Variants in REPS1 observed in about 807,000 individuals in gnomAD.
REPS1 encodes RALBP1 associated Eps domain containing 1.
Under a neutral mutation model 100.9 loss-of-function variants are expected in REPS1, and 39 were observed. The ratio of observed to expected loss-of-function variants is 0.39; its 90% CI spans 0.30 to 0.50. The LOEUF (loss-of-function observed/expected upper bound fraction) is 0.50. Ranked by LOEUF, REPS1 falls within the 20% of genes least tolerant of loss-of-function variation. The pLI, the probability that REPS1 is intolerant of heterozygous loss-of-function variation, is 0.86. For synonymous variants in REPS1, 324 were observed against 340.3 expected (o/e 0.95, Z 0.53); for missense variants, 821 against 968.5 (o/e 0.85, Z 2.02).
intron 1 of REPS1, among the ~76,000 whole-genome samples, chr6:138,952,848 G>A (rs1042847373): frequency 9.0e-6 from 1 of 111,152 alleles, no homozygotes; most frequent in Admixed American, 9.3e-5. Flanking sequence ...TTTTTTTTTT[G>A]AGACACAGTT....
Position 138,915,966 on chromosome 6 carries a change from C to T in REPS1, c.1612G>A (p.Gly538Arg), listed in dbSNP as rs200911266. Residue 538 changes from glycine (G) to arginine (R), a missense_variant, in exon 14 of 20, where the codon GGA becomes AGA. Physicochemically the swap from Gly to Arg is moderately radical, Grantham distance 125 (BLOSUM62 -2). Transcript: ENST00000450536. ...SNVTRQRSHS[G>R]TSPDNTAPPP... ...GGTGCAGTGTTATCAGGCGACGTTCCTGAATGAGACCTGCAAAATTCACCC... is the reference window on the plus strand; with the variant it reads ...GGTGCAGTGTTATCAGGCGACGTTCTTGAATGAGACCTGCAAAATTCACCC... The T allele has an allele frequency of 2.5e-6, 4 of 1,612,426 alleles. No individual in the cohort carries two copies. Among genetic ancestry groups the T allele is most frequent in the Admixed American group, 1.7e-5 (1 of 59,974 alleles).
Position 138,959,877 on chromosome 6 carries a change from T to C in REPS1, c.154-11964A>G, listed in dbSNP as rs745831984. Among the ~76,000 whole-genome samples the C allele has an allele frequency of 1.0e-3, 154 of 152,304 alleles. 2 individuals are homozygous for C. Among genetic ancestry groups the C allele is most frequent in the Non-Finnish European group, 1.9e-3 (126 of 68,030 alleles). ...AATCCTCTAATGTTGGCTACCATTA[T>C]CCCCAGTTCATAGGAAAGAAAACTG... On this transcript the variant is annotated intron_variant, in intron 1 of 19. Coordinates refer to ENST00000450536, the MANE Select transcript of REPS1 (RefSeq NM_001286611.2).
At position 138,945,508 on chromosome 6, in the gene REPS1, T is replaced by C; in HGVS notation, c.467A>G (p.Asp156Gly). The C allele has an allele frequency of 1.2e-6, 2 of 1,601,740 alleles. No homozygotes were observed. Among genetic ancestry groups the C allele is most frequent in the Non-Finnish European group, 1.7e-6 (2 of 1,174,822 alleles). Reference sequence around the variant, plus strand: ...TTACATGCATGTGATTACCTGTGCATCTGCAGATGTACGAGGCTGAACCGT... The same window carrying C: ...TTACATGCATGTGATTACCTGTGCACCTGCAGATGTACGAGGCTGAACCGT... ...HDTVQPRTSA[D>G]AQEPASPVVS... Residue 156 changes from aspartate (D) to glycine (G), a missense_variant, in exon 3 of 20, where the codon GAT becomes GGT. By Grantham distance (94) the Asp-to-Gly change is moderately conservative. This residue lies in a region of REPS1 where 757 missense variants were observed against 866.4 expected (regional missense o/e 0.87). Transcript: ENST00000450536.
intron 15 of REPS1, 50 bp from the exon 16 acceptor site, chr6:138,913,000 T>G: frequency 1.4e-6 from 2 of 1,462,840 alleles, no homozygotes; most frequent in Non-Finnish European, 1.9e-6. Flanking sequence ...AGCCTATCAG[T>G]GTCACAGAGT....
chr6:138,907,411 T>C, intron 19 of REPS1, 84 bp downstream of exon 19: 1 of 922,764 alleles, frequency 1.1e-6, no homozygotes, highest in Non-Finnish European at 1.7e-6. Flanking sequence ...TATGTGATCT[T>C]GGAGGTATCT....
chr6:138,905,106 C>T lies in REPS1; in HGVS notation c.2349G>A (p.Leu783=). 6.2e-7 allele frequency: 1 copy of T among 1,613,316 alleles called. No homozygotes were observed. The highest frequency in any genetic ancestry group is 1.1e-5 in the South Asian group (1 of 91,034). ...GTCGAAGTTGTTCCAGTTGAACTTC[C>T]AGGGAAATTCTCTCCTCAAGAACAT... ...LKDVLEERIS[L]EVQLEQLRPF... The change falls in exon 20 of 20, where the codon CTG becomes CTA. Residue 783 remains leucine (L), a synonymous_variant. Coordinates refer to ENST00000450536, the MANE Select transcript of REPS1 (RefSeq NM_001286611.2).
rs1449641435 is a variant in REPS1, at chr6:138,988,216, C to T, written c.-534G>A. 3 of 398,432 alleles carry T rather than the reference C, an allele frequency of 7.5e-6. No individual in the cohort carries two copies. Among genetic ancestry groups the T allele is most frequent in the Non-Finnish European group, 1.3e-5 (3 of 226,176 alleles). 24.7% of individuals were successfully genotyped at this position (398,432 alleles called of 1,614,324 possible). A position where few individuals can be genotyped will look rare whatever the true frequency, so the allele number is the denominator to read the frequency against. Reference sequence around the variant, plus strand: ...CCTCCCTCCGCCGCCATTTACAGTGCCCCGGCCCGGCCCCGACGCGCCCGC... The same window carrying T: ...CCTCCCTCCGCCGCCATTTACAGTGTCCCGGCCCGGCCCCGACGCGCCCGC... On this transcript the variant is annotated 5_prime_UTR_variant, in exon 1 of 20. Coordinates refer to ENST00000450536, the MANE Select transcript of REPS1 (RefSeq NM_001286611.2).
chr6:138,905,826 T>C (rs1779610870), intron 19 of REPS1, among the ~76,000 whole-genome samples: 1 of 152,214 alleles, frequency 6.6e-6, no homozygotes, highest in African/African-American at 2.4e-5. Context: ...CTAGATCTCA[T>C]TTTGAGCTTT....
chr6:138,930,192 T>G, intron 8 of REPS1, 94 bp from the exon 9 acceptor site: 2 of 984,334 alleles, frequency 2.0e-6, no homozygotes, highest in South Asian at 3.2e-5. Context: ...ACCGATGATT[T>G]TCATAAGTAG....
intron 1 of REPS1, among the ~76,000 whole-genome samples, chr6:138,971,758 G>A (rs1784358337): frequency 6.6e-6 from 1 of 152,060 alleles, no homozygotes; most frequent in Non-Finnish European, 1.5e-5. Flanking sequence ...GATTGGGGTG[G>A]GGAGAGAGTA....
At chr6:138,981,033 A>T (rs1043591824) in intron 1 of REPS1, among the ~76,000 whole-genome samples, 2 of 152,200 alleles carry the variant, frequency 1.3e-5, no homozygotes, top group African/African-American at 4.8e-5. Flanking sequence ...CTTAAAACTG[A>T]ATTAATGTAG....
At chr6:138,914,592 C>T in intron 15 of REPS1, 105 bp downstream of exon 15, 2 of 880,048 alleles carry the variant, frequency 2.3e-6, no homozygotes, top group Non-Finnish European at 3.8e-6. Flanking sequence ...TTAAAGATTA[C>T]CAACAGATCA....
At chr6:138,906,351 A>T (rs146703851) in intron 19 of REPS1, among the ~76,000 whole-genome samples, 1 of 152,220 alleles carries the variant, frequency 6.6e-6, no homozygotes, top group Non-Finnish European at 1.5e-5. Context: ...AAAAATGCCT[A>T]ACATACTAGG....
intron 8 of REPS1, among the ~76,000 whole-genome samples, chr6:138,932,338 C>T (rs1278438100): frequency 6.6e-6 from 1 of 152,096 alleles, no homozygotes; most frequent in Non-Finnish European, 1.5e-5. Flanking sequence ...TTAAAAGAGA[C>T]CTGAAAGGTG....
chr6:138,948,431 G>A (rs564730924), intron 1 of REPS1, among the ~76,000 whole-genome samples: 9 of 152,016 alleles, frequency 5.9e-5, no homozygotes, highest in African/African-American at 1.7e-4. Flanking sequence ...AGATTGAGTC[G>A]GGTTTTCCCT....
rs116816325 is a variant in REPS1 at position 138,986,126 on chromosome 6, C to T, written c.153+1404G>A. On this transcript the variant is annotated intron_variant, in intron 1 of 19. Transcript: ENST00000450536. ...AGGCTTTGTTTTGTATCTCCCTGAG[C>T]TAAGAATGGCTTTACATTTTTGTGT... Among the ~76,000 whole-genome samples the T allele has an allele frequency of 7.4e-3, 1,130 of 152,254 alleles. 8 individuals carry two copies. Among genetic ancestry groups the T allele is most frequent in the African/African-American group, 0.025 (1,044 of 41,526 alleles).
intron 2 of REPS1, among the ~76,000 whole-genome samples, chr6:138,947,033 T>A (rs1782660309): frequency 1.1e-5 from 1 of 92,202 alleles, no homozygotes; most frequent in Non-Finnish European, 2.3e-5. Context: ...CTATTCCCCC[T>A]TGCTCTCTCT....
intron 1 of REPS1, among the ~76,000 whole-genome samples, chr6:138,969,672 C>T (rs1784224342): frequency 6.6e-6 from 1 of 151,950 alleles, no homozygotes; most frequent in African/African-American, 2.4e-5. Flanking sequence ...AATCCCAGCT[C>T]ATGTTGCACA....
intron 1 of REPS1, among the ~76,000 whole-genome samples, chr6:138,950,346 T>C (rs986049426): frequency 6.6e-6 from 1 of 152,142 alleles, no homozygotes; most frequent in African/African-American, 2.4e-5. Context: ...CTGGATGTGG[T>C]GGCACATGCC....
Sources: allele counts gnomAD v4.1 joint callset (sites outside exome capture counted in the v4.1 genomes callset), GRCh38; gene constraint gnomAD v4.1.1; regional missense constraint gnomAD v4.1.1; transcripts MANE v1.5; gene names NCBI Gene and HGNC (gene_info 2026-07-23, HGNC 2026-07-21).